The following PCNX2 variants were observed in gnomAD, a reference collection of about 807,000 sequenced individuals.
PCNX2 encodes pecanex 2, also known as pecanex-like protein 2.
In PCNX2, 168 loss-of-function variants were observed where a neutral mutation model predicts 223.8. That is an observed-to-expected ratio of 0.75 (90% CI 0.66 to 0.85). The LOEUF is 0.85. Among genes scored for constraint, PCNX2 ranks in the 40% least tolerant of loss-of-function variants. PCNX2 has a pLI of 0.00. For synonymous variants in PCNX2, 1,006 were observed against 1,052.6 expected (o/e 0.96, Z 0.86); for missense variants, 2,507 against 2,675.5 (o/e 0.94, Z 1.39).
Position 233,253,829 on chromosome 1 carries a change from C to T in PCNX2, c.1835-1041G>A, listed in dbSNP as rs1279821466. Among the ~76,000 whole-genome samples the T allele has an allele frequency of 6.6e-6, 1 of 152,164 alleles. No homozygotes were observed. The highest frequency in any genetic ancestry group is 2.4e-5 in the African/African-American group (1 of 41,438). On this transcript the variant is annotated intron_variant, in intron 5 of 33. Coordinates refer to ENST00000258229, the MANE Select transcript of PCNX2 (RefSeq NM_014801.4). The surrounding 1 kb of genome is among the most constrained non-coding windows in gnomAD (Gnocchi z 4.2). Reference sequence around the variant, plus strand: ...AAACCACTAAGGGTCTCAGGTTATACCATTATGCAAAATGGACTGCATATG... The same window carrying T: ...AAACCACTAAGGGTCTCAGGTTATATCATTATGCAAAATGGACTGCATATG...
intron 19 of PCNX2, among the ~76,000 whole-genome samples, chr1:233,143,850 C>G (rs1201624400): frequency 6.6e-6 from 1 of 152,168 alleles, no homozygotes; most frequent in East Asian, 1.9e-4. Context: ...TCCTTCTTAT[C>G]TGTCTCTACT....
rs1439339730 is a variant in PCNX2 at position 233,000,269 on chromosome 1, A to G, written c.5328+36T>C. 6.3e-7 allele frequency: 1 copy of G among 1,591,778 alleles called. No individual in the cohort carries two copies. Among genetic ancestry groups the G allele is most frequent in the Non-Finnish European group, 8.6e-7 (1 of 1,160,178 alleles). On this transcript the variant is annotated intron_variant, in intron 30 of 33. Transcript: ENST00000258229. This position sits in a 1 kb window ranked among gnomAD's most constrained non-coding sequence, Gnocchi z 4.6. ...ATTTCTTCTCAGATAGAGAGACACG[A>G]GCCAACAGGGGACCCAGAAAGTGTG... is the stretch of plus-strand genomic sequence containing the variant.
chr1:233,161,496 T>A, intron 17 of PCNX2, 133 bp from the exon 18 acceptor site: 1 of 708,834 alleles, frequency 1.4e-6, no homozygotes, highest in Non-Finnish European at 2.5e-6. Flanking sequence ...CCTGACACAC[T>A]CATTGGCACA....
upstream of PCNX2, among the ~76,000 whole-genome samples, chr1:233,300,191 T>C (rs1357508108): frequency 2.6e-5 from 4 of 152,140 alleles, no homozygotes; most frequent in African/African-American, 7.3e-5. Context: ...CTTTTCAATA[T>C]TGAGCCTTTC....
intron 21 of PCNX2, among the ~76,000 whole-genome samples, chr1:233,115,496 C>G (rs566726563): frequency 1.1e-4 from 16 of 152,330 alleles, no homozygotes; most frequent in Admixed American, 2.0e-4. Context: ...CATGGCCTAA[C>G]TCTTAGAGTA....
chr1:233,054,393 C>T lies in PCNX2; in HGVS notation c.4226G>A (p.Arg1409His), dbSNP rs762426067. The change falls in exon 25 of 34, where the codon CGT becomes CAT. Residue 1409 changes from arginine (R) to histidine (H), a missense_variant. Physicochemically the swap from Arg to His is conservative, Grantham distance 29 (BLOSUM62 0). Coordinates refer to ENST00000258229, the MANE Select transcript of PCNX2 (RefSeq NM_014801.4). ...ESLCGDLVLGRWGNYSSGDCF... is the reference protein window; with the variant it reads ...ESLCGDLVLGHWGNYSSGDCF... ...ATCGCCAGAGCTGTAGTTGCCCCAACGTCCAAGAACTAAGTCTCCACAGAG... is the reference window on the plus strand; with the variant it reads ...ATCGCCAGAGCTGTAGTTGCCCCAATGTCCAAGAACTAAGTCTCCACAGAG... 6 of 1,613,842 alleles carry T rather than the reference C, an allele frequency of 3.7e-6. No individual in the cohort carries two copies. Among genetic ancestry groups the T allele is most frequent in the Admixed American group, 3.3e-5 (2 of 60,014 alleles).
In PCNX2 at chr1:232,984,211, A is replaced by G; in HGVS notation, c.*93T>C. On this transcript the variant is annotated 3_prime_UTR_variant, in exon 34 of 34. Coordinates refer to ENST00000258229, the MANE Select transcript of PCNX2 (RefSeq NM_014801.4). ...GGAGGAGTCCCTCATGGATCGCGGTATTGGTTGGTTGTGGTGATTTGGGGA... is the reference window on the plus strand; with the variant it reads ...GGAGGAGTCCCTCATGGATCGCGGTGTTGGTTGGTTGTGGTGATTTGGGGA... The G allele has an allele frequency of 9.1e-7, 1 of 1,094,864 alleles. No individual in the cohort carries two copies. The highest frequency in any genetic ancestry group is 1.2e-6 in the Non-Finnish European group (1 of 863,676). 67.8% of individuals were successfully genotyped at this position (1,094,864 alleles called of 1,614,324 possible).
chr1:233,005,906 G>A (rs980233296), intron 28 of PCNX2, among the ~76,000 whole-genome samples: 2 of 152,194 alleles, frequency 1.3e-5, no homozygotes, highest in Non-Finnish European at 2.9e-5. Flanking sequence ...GGCCTTCCTG[G>A]GGACTAAAAC....
intron 16 of PCNX2, 58 bp from the exon 17 acceptor site, chr1:233,177,956 T>A: frequency 1.4e-6 from 2 of 1,389,260 alleles, no homozygotes; most frequent in Non-Finnish European, 2.0e-6. Flanking sequence ...GTGTTTTCGG[T>A]AAATAACTTC....
intron 4 of PCNX2, among the ~76,000 whole-genome samples, chr1:233,260,650 T>C (rs1290541246): frequency 1.3e-5 from 2 of 152,138 alleles, no homozygotes; most frequent in East Asian, 1.9e-4. Flanking sequence ...AGCTATTTTC[T>C]AGAGCGAATT....
rs376836884 is a variant in PCNX2, at chr1:233,252,672, C to T, written c.1951G>A (p.Ala651Thr). 68 of 1,613,560 alleles carry T rather than the reference C, an allele frequency of 4.2e-5. No individual in the cohort carries two copies. The Middle Eastern group carries it at 5.0e-4, about 12-fold the overall frequency. The change falls in exon 6 of 34, where the codon GCA becomes ACA. Residue 651 changes from alanine (A) to threonine (T), a missense_variant. This residue lies in a region of PCNX2 where 1,031 missense variants were observed against 1,021.7 expected (regional missense o/e 1.01). Transcript: ENST00000258229. ...GTGGTCTTGGCAGGCTGAGTGCATGCGGGGCCGGTGCTAGTATGGTCTTGA... is the reference window on the plus strand; with the variant it reads ...GTGGTCTTGGCAGGCTGAGTGCATGTGGGGCCGGTGCTAGTATGGTCTTGA... ...QSQDHTSTGPACTQPAKTTAF... is the reference protein window; with the variant it reads ...QSQDHTSTGPTCTQPAKTTAF...
At chr1:233,308,329 G>A in the PCNX2 span, among the ~76,000 whole-genome samples, 4 of 152,024 alleles carry the variant, frequency 2.6e-5, no homozygotes, top group Non-Finnish European at 4.4e-5. Flanking sequence ...CATGGTGGTG[G>A]ATGCCTGCAA....
intron 28 of PCNX2, among the ~76,000 whole-genome samples, chr1:233,009,711 C>T (rs985169744): frequency 6.6e-6 from 1 of 152,090 alleles, no homozygotes; most frequent in African/African-American, 2.4e-5. Flanking sequence ...CTAGAGAGTC[C>T]ATGTCACTGG....
At chr1:233,037,484 C>T (rs752499101) in intron 25 of PCNX2, among the ~76,000 whole-genome samples, 3 of 142,568 alleles carry the variant, frequency 2.1e-5, no homozygotes, top group Admixed American at 1.4e-4. Context: ...GCAGGCACAA[C>T]CACACCTACC....
intron 21 of PCNX2, among the ~76,000 whole-genome samples, chr1:233,116,910 GA>G (rs1372560970): frequency 6.6e-6 from 1 of 151,976 alleles, no homozygotes; most frequent in Non-Finnish European, 1.5e-5. Flanking sequence ...GACTGACAAA[GA>G]AAAACACAAA....
intron 19 of PCNX2, among the ~76,000 whole-genome samples, chr1:233,147,076 TTCAG>T (rs1677497070): frequency 6.6e-6 from 1 of 152,206 alleles, no homozygotes; most frequent in African/African-American, 2.4e-5. Context: ...GAAATACTTA[TTCAG>T]TGAGATTCTA....
At chr1:233,261,353 A>G in intron 3 of PCNX2, 32 bp from the exon 4 acceptor site, 1 of 1,605,844 alleles carries the variant, frequency 6.2e-7, no homozygotes, top group Non-Finnish European at 8.5e-7. Context: ...AAATCAATAG[A>G]TGACTCAGCT....
chr1:233,325,692 C>T, the PCNX2 span, among the ~76,000 whole-genome samples: 12 of 151,860 alleles, frequency 7.9e-5, no homozygotes, highest in South Asian at 2.1e-4. Context: ...AGATGAGGAG[C>T]GGAGTTGCTT....
At chr1:233,231,520 C>T in intron 9 of PCNX2, 1 of 555,934 alleles carries the variant, frequency 1.8e-6, no homozygotes, top group Non-Finnish European at 2.3e-6. Context: ...AAAGTCAGAA[C>T]AGGCACAGAT....
Sources: allele counts gnomAD v4.1 joint callset (sites outside exome capture counted in the v4.1 genomes callset), GRCh38; gene constraint gnomAD v4.1.1; regional missense constraint gnomAD v4.1.1; non-coding constraint Gnocchi (gnomAD v3.1); transcripts MANE v1.5; gene names NCBI Gene and HGNC (gene_info 2026-07-23, HGNC 2026-07-21).